The following IRAK1BP1 variants were observed in gnomAD, a reference collection of about 807,000 sequenced individuals.
IRAK1BP1 encodes the protein interleukin 1 receptor associated kinase 1 binding protein 1.
A neutral mutation model predicts 28.0 loss-of-function variants in IRAK1BP1; 24 were observed. The observed-to-expected ratio is 0.86, with a 90% CI of 0.62 to 1.20. The LOEUF is 1.20. IRAK1BP1 is among the 50% of genes most tolerant of loss of function. The pLI is 0.00. For synonymous variants in IRAK1BP1, 131 were observed against 116.3 expected (o/e 1.13, Z -0.81); for missense variants, 336 against 316.7 (o/e 1.06, Z -0.46).
chr6:78,942,233 A>G (rs1773541493), intron 4 of IRAK1BP1, among the ~76,000 whole-genome samples: 1 of 152,358 alleles, frequency 6.6e-6, no homozygotes, highest in South Asian at 2.1e-4. Flanking sequence ...TTATAATCCC[A>G]GCACTCTGGG....
At chr6:78,967,808 C>T in the IRAK1BP1 span, among the ~76,000 whole-genome samples, 3 of 152,006 alleles carry the variant, frequency 2.0e-5, no homozygotes, top group Non-Finnish European at 2.9e-5. Context: ...TTATTTGTTC[C>T]GCAATTTATT....
chr6:78,953,872 C>T, the IRAK1BP1 span, among the ~76,000 whole-genome samples: 1 of 152,106 alleles, frequency 6.6e-6, no homozygotes. Context: ...AGGTGTAAGA[C>T]ACCACGCCCG....
In IRAK1BP1 at chr6:78,880,502, TG is replaced by T. The variant is rs201911066; in HGVS notation, c.316-4875del. On this transcript the variant is annotated intron_variant, in intron 1 of 3. Transcript: ENST00000369940. ...TAAAAACTCACTTTGTGAAAAACAT[TG>T]TTAAGAAAATGAAAAGTCAATCTAT... 5.4e-3 allele frequency among the ~76,000 whole-genome samples: 827 copies of T among 152,204 alleles called. 10 individuals carry two copies. The highest frequency in any genetic ancestry group is 0.041 in the Middle Eastern group (12 of 294).
the IRAK1BP1 span, chr6:78,978,660 A>G: frequency 5.0e-6 from 8 of 1,597,442 alleles, no homozygotes; most frequent in South Asian, 9.0e-5. Context: ...GTTGATGGCA[A>G]CCATTCTTCT....
intron 1 of IRAK1BP1, among the ~76,000 whole-genome samples, chr6:78,875,113 C>A (rs1048402745): frequency 3.3e-5 from 5 of 152,156 alleles, no homozygotes; most frequent in African/African-American, 1.2e-4. Flanking sequence ...TACAAGCAGC[C>A]AGCAAACACA....
rs760174905 is a variant in IRAK1BP1, at chr6:78,902,997, C to G, written c.*4663C>G. On this transcript the variant is annotated 3_prime_UTR_variant, in exon 4 of 4. Coordinates refer to ENST00000369940, the MANE Select transcript of IRAK1BP1 (RefSeq NM_001010844.4). ...GAAGGATATTTCTGTTTCAGCAACTCCTGGAATCCTTCTTCAACATCCCAA... is the reference window on the plus strand; with the variant it reads ...GAAGGATATTTCTGTTTCAGCAACTGCTGGAATCCTTCTTCAACATCCCAA... 1 of 1,498,894 alleles carries G rather than the reference C, an allele frequency of 6.7e-7. No homozygotes were observed. Among genetic ancestry groups the G allele is most frequent in the South Asian group, 1.2e-5 (1 of 83,150 alleles). The allele number at this position is 1,498,894 out of a possible 1,614,324, so 92.8% of individuals were successfully genotyped here.
chr6:78,946,041 A>G, exon 5 of IRAK1BP1: 1 of 1,612,036 alleles, frequency 6.2e-7, no homozygotes, highest in Non-Finnish European at 8.5e-7. Flanking sequence ...CTTTTGTAAT[A>G]AAAGTCTTTG....
At chr6:78,970,186 G>A in the IRAK1BP1 span, 1 of 1,605,650 alleles carries the variant, frequency 6.2e-7, no homozygotes, top group Non-Finnish European at 8.5e-7. Context: ...GAGAGAGACA[G>A]AGAATATAAG....
chr6:78,940,968 C>G (rs375999660), intron 4 of IRAK1BP1: 9 of 1,613,844 alleles, frequency 5.6e-6, no homozygotes, highest in African/African-American at 1.3e-5. Flanking sequence ...CTTGCAGGGA[C>G]TAGGAGATCT....
chr6:78,961,791 C>A, the IRAK1BP1 span: 2 of 1,610,190 alleles, frequency 1.2e-6, no homozygotes, highest in Non-Finnish European at 1.7e-6. Context: ...CCACGGGGGC[C>A]ACAAATGCTG....
chr6:78,925,593 A>T (rs566754190), intron 4 of IRAK1BP1, among the ~76,000 whole-genome samples: 8 of 152,322 alleles, frequency 5.3e-5, no homozygotes, highest in Non-Finnish European at 1.0e-4. Flanking sequence ...GCTGGTAGGA[A>T]TGTAAATTAG....
At chr6:78,928,846 T>A (rs939169377) in intron 4 of IRAK1BP1, among the ~76,000 whole-genome samples, 1 of 152,186 alleles carries the variant, frequency 6.6e-6, no homozygotes, top group African/African-American at 2.4e-5. Flanking sequence ...TATCCTTCCA[T>A]CCCAGGGACA....
intron 4 of IRAK1BP1, among the ~76,000 whole-genome samples, chr6:78,942,636 G>A (rs1036646202): frequency 6.6e-6 from 1 of 152,120 alleles, no homozygotes; most frequent in Non-Finnish European, 1.5e-5. Flanking sequence ...ATGTGGGTGT[G>A]GACATAAAGT....
chr6:78,978,831 T>G, the IRAK1BP1 span: 2 of 704,520 alleles, frequency 2.8e-6, no homozygotes, highest in African/African-American at 1.8e-5. Context: ...CATTGTACAA[T>G]ATTATATACA....
At chr6:78,945,705 AT>A (rs1773775344) in exon 5 of IRAK1BP1, 2 of 601,996 alleles carry the variant, frequency 3.3e-6, no homozygotes, top group Non-Finnish European at 5.8e-6. Flanking sequence ...CTGTCCCATC[AT>A]TTCAAAATTT....
intron 2 of IRAK1BP1, among the ~76,000 whole-genome samples, chr6:78,890,287 G>A (rs1181806423): frequency 6.6e-6 from 1 of 151,808 alleles, no homozygotes; most frequent in East Asian, 1.9e-4. Flanking sequence ...GGGGGCTAGG[G>A]GAGGGATAGC....
chr6:78,933,228 G>A (rs1273694284), intron 4 of IRAK1BP1, among the ~76,000 whole-genome samples: 1 of 152,134 alleles, frequency 6.6e-6, no homozygotes, highest in Non-Finnish European at 1.5e-5. Flanking sequence ...AATTTGTATA[G>A]ATTTTCATCA....
chr6:78,921,698 C>T (rs1772734120), intron 4 of IRAK1BP1, among the ~76,000 whole-genome samples: 1 of 152,200 alleles, frequency 6.6e-6, no homozygotes, highest in African/African-American at 2.4e-5. Flanking sequence ...TGACACCTCA[C>T]ACGGGCAGGT....
the IRAK1BP1 span, chr6:78,970,272 G>C: frequency 1.9e-5 from 19 of 974,772 alleles, no homozygotes; most frequent in Non-Finnish European, 2.2e-5. Context: ...TTTAAATCTT[G>C]ATCTGGATGG....
Sources: allele counts gnomAD v4.1 joint callset (sites outside exome capture counted in the v4.1 genomes callset), GRCh38; gene constraint gnomAD v4.1.1; transcripts MANE v1.5; gene names NCBI Gene and HGNC (gene_info 2026-07-23, HGNC 2026-07-21).